Variants in AHRR observed in about 807,000 individuals in gnomAD.
AHRR encodes ahR repressor.
A neutral mutation model predicts 44.0 loss-of-function variants in AHRR; 28 were observed. That is an observed-to-expected ratio of 0.64 (90% CI 0.47 to 0.87). The LOEUF is 0.87. Ranked by LOEUF, AHRR falls within the 40% of genes least tolerant of loss-of-function variation. The pLI is 0.00. For synonymous variants in AHRR, 434 were observed against 407.0 expected, an observed-to-expected ratio of 1.07 and a Z score of -0.80; for missense variants, 990 against 953.9, an observed-to-expected ratio of 1.04 and a Z score of -0.50.
chr5:434,635 A>G lies in AHRR; in HGVS notation c.1895A>G (p.His632Arg), dbSNP rs371503721. The change falls in exon 11 of 11, where the codon CAC (histidine) becomes CGC (arginine). Residue 632 changes from histidine to arginine, a missense_variant. Coordinates refer to ENST00000684583, the MANE Select transcript of AHRR (RefSeq NM_001377236.1). The stretch of plus-strand genomic sequence containing the variant: ...GGCCTTCCCCAGTCGGAGCCTCCCC[A>G]CCAGCTCTGTGCACGGGGCCGAGGT... ...TDGLPQSEPP[H>R]QLCARGRGEQ... 233 of 1,562,548 alleles carry G rather than the reference A, an allele frequency of 1.5e-4. 2 individuals carry two copies. The Admixed American group carries it at 1.8e-3, about 12-fold the overall frequency.
chr5:353,850 G>A lies in AHRR; in HGVS notation c.183G>A (p.Leu61=). 6.2e-7 allele frequency: 1 copy of A among 1,614,122 alleles called. No homozygotes were observed. The highest frequency in any genetic ancestry group is 8.5e-7 in the Non-Finnish European group (1 of 1,180,020). Residue 61 remains leucine, a synonymous_variant, in exon 3 of 11, where the codon CTG becomes CTA. Coordinates refer to ENST00000684583, the MANE Select transcript of AHRR (RefSeq NM_001377236.1). ...LPFPPDIISK[L]DKLSVLRLSV... is the part of the protein sequence containing the mutation. ...TCCCGCCTGACATCATCTCCAAGCT[G>A]GACAAGCTTTCTGTCCTGCGCCTCA...
intron 1 of AHRR, among the ~76,000 whole-genome samples, chr5:323,270 G>A (rs1004256650): frequency 6.6e-6 from 1 of 152,240 alleles, no homozygotes; most frequent in African/African-American, 2.4e-5. Flanking sequence ...TGGGGAGTTT[G>A]GTCCAGTCCA....
Position 395,166 on chromosome 5 carries a change from G to T in AHRR, c.352-18178G>T, listed in dbSNP as rs995212426. Reference sequence around the variant, plus strand: ...CCCCAGATAGCCCAAGACTTCTGGGGTTCCCTCAGCTTTTCTGGGGATCCT... The same window carrying T: ...CCCCAGATAGCCCAAGACTTCTGGGTTTCCCTCAGCTTTTCTGGGGATCCT... On this transcript the variant is annotated intron_variant, in intron 4 of 10. Coordinates refer to ENST00000684583, the MANE Select transcript of AHRR (RefSeq NM_001377236.1). The surrounding 1 kb of genome is among the most constrained non-coding windows in gnomAD (Gnocchi z 5.3). Among the ~76,000 whole-genome samples the T allele has an allele frequency of 2.6e-5, 4 of 152,176 alleles. No homozygotes were observed. The South Asian group carries it at 8.3e-4, about 31-fold the overall frequency.
rs530450288 is a variant in AHRR at position 423,994 on chromosome 5, C to T, written c.708+17C>T. ...GGCTTCCTGGTGAGTGCGTGGGTCCCTGGCAGGGGGCTCCCGACATCTGGG... is the reference window on the plus strand; with the variant it reads ...GGCTTCCTGGTGAGTGCGTGGGTCCTTGGCAGGGGGCTCCCGACATCTGGG... On this transcript the variant is annotated intron_variant, in intron 7 of 10. Transcript: ENST00000684583. 1.9e-6 allele frequency: 3 copies of T among 1,591,552 alleles called. No individual in the cohort carries two copies. Among genetic ancestry groups the T allele is most frequent in the Non-Finnish European group, 2.6e-6 (3 of 1,174,786 alleles).
intron 5 of AHRR, among the ~76,000 whole-genome samples, chr5:415,318 A>G (rs1362535061): frequency 2.0e-5 from 3 of 146,838 alleles, no homozygotes; most frequent in African/African-American, 7.8e-5. Flanking sequence ...TGGGAGGCCT[A>G]GGGGCCGAAT....
Position 376,651 on chromosome 5 carries a change from C to G in AHRR, c.286C>G (p.Pro96Ala). Reference protein sequence around the residue: ...QSSRQPAAGAPSPGDSCPLAG... With the variant: ...QSSRQPAAGAASPGDSCPLAG... Reference sequence around the variant, plus strand: ...CTCACGGCAGCCTGCGGCCGGCGCCCCCTCGCCCGGAGACAGCTGTCCTCT... The same window carrying G: ...CTCACGGCAGCCTGCGGCCGGCGCCGCCTCGCCCGGAGACAGCTGTCCTCT... Residue 96 changes from proline (P) to alanine (A), a missense_variant, in exon 4 of 11, where the codon CCC (proline) becomes GCC (alanine). Coordinates refer to ENST00000684583, the MANE Select transcript of AHRR (RefSeq NM_001377236.1). The G allele has an allele frequency of 1.6e-6, 2 of 1,217,442 alleles. No homozygotes were observed. The highest frequency in any genetic ancestry group is 2.1e-6 in the Non-Finnish European group (2 of 938,998). 75.4% of individuals were successfully genotyped at this position (1,217,442 alleles called of 1,614,324 possible). A position where few individuals can be genotyped will look rare whatever the true frequency, so the allele number is the denominator to read the frequency against.
In AHRR at chr5:370,145, C is replaced by T. The variant is rs1226728074; in HGVS notation, c.245-6465C>T. 6.8e-6 allele frequency among the ~76,000 whole-genome samples: 1 copy of T among 147,596 alleles called. No individual in the cohort carries two copies. Among genetic ancestry groups the T allele is most frequent in the Non-Finnish European group, 1.5e-5 (1 of 66,560 alleles). On this transcript the variant is annotated intron_variant, in intron 3 of 10. Transcript: ENST00000684583. This position sits in a 1 kb window ranked among gnomAD's most constrained non-coding sequence, Gnocchi z 4.5. ...GTCCTCCCGGGCCCTCGCTGGTGCCCCGTCCTCCCGGGCCCTCGCTGGAAG... is the reference window on the plus strand; with the variant it reads ...GTCCTCCCGGGCCCTCGCTGGTGCCTCGTCCTCCCGGGCCCTCGCTGGAAG...
intron 5 of AHRR, chr5:420,922 G>GCACAGACCCA (rs1736074677): frequency 3.1e-6 from 1 of 317,490 alleles, no homozygotes; most frequent in Non-Finnish European, 5.9e-6. Context: ...ATCCAGGCAC[G>GCACAGACCCA]CACACGCAGC....
intron 3 of AHRR, 58 bp from the exon 4 acceptor site, chr5:376,552 A>ACGCGGGGAAACACAGGAAAGATGTGAGT: frequency 7.1e-7 from 1 of 1,409,246 alleles, no homozygotes; most frequent in Non-Finnish European, 9.6e-7. Context: ...ATGTGAATGA[A>ACGCGGGGAAACACAGGAAAGATGTGAGT]GAAGAGTGGC....
chr5:401,125 G>T (rs954645343), intron 4 of AHRR, among the ~76,000 whole-genome samples: 1 of 152,186 alleles, frequency 6.6e-6, no homozygotes, highest in African/African-American at 2.4e-5. Context: ...CATGGCCCCC[G>T]GCTGCTTCAC....
chr5:427,628 A>G (rs1579709090), intron 7 of AHRR, 179 bp from the exon 8 acceptor site: 1 of 1,612,628 alleles, frequency 6.2e-7, no homozygotes, highest in Non-Finnish European at 8.5e-7. Context: ...ACATCGAATC[A>G]CTCTGCAGGC....
intron 4 of AHRR, among the ~76,000 whole-genome samples, chr5:385,501 T>C (rs1262601620): frequency 6.6e-6 from 1 of 152,170 alleles, no homozygotes; most frequent in Admixed American, 6.5e-5. Flanking sequence ...TGAATACTTT[T>C]GCTGGGTATA....
chr5:377,607 G>A lies in AHRR; in HGVS notation c.351+891G>A, dbSNP rs1202523508. The stretch of plus-strand genomic sequence containing the variant: ...GCAGCCACTAGTCTCCCATGGAGCT[G>A]TGCACCCCCAGTGCCTGGGAGGGGC... On this transcript the variant is annotated intron_variant, in intron 4 of 10. Transcript: ENST00000684583. Among the ~76,000 whole-genome samples the A allele has an allele frequency of 3.3e-5, 5 of 152,236 alleles. No homozygotes were observed. The East Asian group carries it at 7.7e-4, about 23-fold the overall frequency.
chr5:345,070 ATGTGTGTGTGTG>A (rs150724632), intron 2 of AHRR, among the ~76,000 whole-genome samples: 1 of 10,132 alleles, frequency 9.9e-5, no homozygotes, highest in South Asian at 3.6e-3. Context: ...GTGTGTGGGG[ATGTGTGTGTGTG>A]TGTGTGTGTG....
At chr5:428,902 G>A (rs985473912) in intron 8 of AHRR, among the ~76,000 whole-genome samples, 4 of 151,206 alleles carry the variant, frequency 2.6e-5, no homozygotes, top group African/African-American at 9.7e-5. Flanking sequence ...TGCCCCAGCT[G>A]AGCTGACAGG....
At chr5:365,101 C>T (rs542152750) in intron 3 of AHRR, among the ~76,000 whole-genome samples, 1 of 150,966 alleles carries the variant, frequency 6.6e-6, no homozygotes, top group African/African-American at 2.4e-5. Context: ...AAATAAAAGC[C>T]AGTAAAGGTT....
chr5:403,815 A>G (rs1735137587), intron 4 of AHRR: 1 of 1,531,234 alleles, frequency 6.5e-7, no homozygotes, highest in South Asian at 1.1e-5. Context: ...GAGTTTCTCG[A>G]TATGCCTTCT....
At chr5:407,788 C>T (rs563488752) in intron 4 of AHRR, among the ~76,000 whole-genome samples, 12 of 152,294 alleles carry the variant, frequency 7.9e-5, no homozygotes, top group African/African-American at 2.2e-4. Context: ...CCACCTGCCT[C>T]GGCCTCTCAA....
At chr5:362,242 A>G (rs536404352) in intron 3 of AHRR, among the ~76,000 whole-genome samples, 1 of 152,226 alleles carries the variant, frequency 6.6e-6, no homozygotes, top group Non-Finnish European at 1.5e-5. Context: ...CCAAGAAGAG[A>G]GCCCTCACCA....
Sources: gnomAD v4.1 joint callset for allele counts (sites outside exome capture counted in the v4.1 genomes callset) on GRCh38, gnomAD v4.1.1 for gene constraint, Gnocchi (gnomAD v3.1) non-coding constraint, MANE v1.5 for transcripts, NCBI Gene and HGNC (gene_info 2026-07-23, HGNC 2026-07-21) for gene names.